Variants in NFAT5 observed in about 807,000 individuals in gnomAD.
NFAT5 encodes the protein nuclear factor of activated T cells 5.
NFAT5 carries 31 observed loss-of-function variants against 166.5 expected under a neutral mutation model. That is an observed-to-expected ratio of 0.19 (90% CI 0.14 to 0.25). The LOEUF (loss-of-function observed/expected upper bound fraction) is 0.25. Ranked by LOEUF, NFAT5 falls within the 10% of genes least tolerant of loss-of-function variation. NFAT5 has a pLI of 1.00. For synonymous variants in NFAT5, 612 were observed against 639.7 expected (o/e 0.96, Z 0.65); for missense variants, 1,449 against 1,821.8 (o/e 0.80, Z 3.72).
chr16:69,567,652 TAC>T (rs1394012149), intron 1 of NFAT5, among the ~76,000 whole-genome samples: 4 of 152,332 alleles, frequency 2.6e-5, no homozygotes, highest in African/African-American at 4.8e-5. Context: ...ATTGATTTTG[TAC>T]ACAGAGTCCT....
intron 2 of NFAT5, among the ~76,000 whole-genome samples, chr16:69,591,592 T>A (rs2032463472): frequency 6.6e-6 from 1 of 152,236 alleles, no homozygotes; most frequent in Admixed American, 6.5e-5. Context: ...TACATTATGC[T>A]AGTGCCTTTA....
chr16:69,607,259 T>C (rs550579942), intron 2 of NFAT5, among the ~76,000 whole-genome samples: 2 of 152,356 alleles, frequency 1.3e-5, no homozygotes, highest in African/African-American at 4.8e-5. Flanking sequence ...CATTATGACA[T>C]GCTGCCTACC....
In NFAT5 at chr16:69,697,051, CTG is replaced by C. The variant is rs1472114924; in HGVS notation, c.*703_*704del. 3 of 152,670 alleles carry C rather than the reference CTG, an allele frequency of 2.0e-5. No homozygotes were observed. The highest frequency in any genetic ancestry group is 1.9e-4 in the East Asian group (1 of 5,190). 9.5% of individuals were successfully genotyped at this position (152,670 alleles called of 1,614,324 possible). A position where few individuals can be genotyped will look rare whatever the true frequency, so the allele number is the denominator to read the frequency against. Reference sequence around the variant, plus strand: ...TTTCTACTAAGGGGTTTAGCCATAACTGTGCATAGAAAAATAATTATCTGTAA... The same window carrying C: ...TTTCTACTAAGGGGTTTAGCCATAACTGCATAGAAAAATAATTATCTGTAA... On this transcript the variant is annotated 3_prime_UTR_variant, in exon 15 of 15. Coordinates refer to ENST00000349945, the MANE Select transcript of NFAT5 (RefSeq NM_138713.4).
At chr16:69,674,475 A>ATATTCAATG (rs1427251151) in intron 9 of NFAT5, among the ~76,000 whole-genome samples, 1 of 152,004 alleles carries the variant, frequency 6.6e-6, no homozygotes, top group Non-Finnish European at 1.5e-5. Flanking sequence ...ATATAAAGGG[A>ATATTCAATG]TATTCAATCT....
chr16:69,572,770 G>T (rs1374909376), intron 2 of NFAT5, among the ~76,000 whole-genome samples: 1 of 152,080 alleles, frequency 6.6e-6, no homozygotes, highest in Non-Finnish European at 1.5e-5. Flanking sequence ...TGAGTTAAGA[G>T]ATTATATATC....
intron 5 of NFAT5, 127 bp from the exon 6 acceptor site, chr16:69,655,482 T>A: frequency 1.5e-6 from 1 of 675,974 alleles, no homozygotes; most frequent in Non-Finnish European, 2.2e-6. Flanking sequence ...CTATTTTTCT[T>A]GAAGATTTAA....
chr16:69,686,855 T>C (rs1030879849), intron 11 of NFAT5, among the ~76,000 whole-genome samples: 1 of 151,410 alleles, frequency 6.6e-6, no homozygotes, highest in African/African-American at 2.4e-5. Flanking sequence ...ACAGTAAAAC[T>C]CCACCTCAAA....
At chr16:69,671,465 G>A (rs562818664) in intron 9 of NFAT5, among the ~76,000 whole-genome samples, 1 of 152,310 alleles carries the variant, frequency 6.6e-6, no homozygotes, top group Non-Finnish European at 1.5e-5. Context: ...CTGACTCCCT[G>A]GTTCAAGCAA....
chr16:69,647,545 G>T lies in NFAT5; in HGVS notation c.771G>T (p.Gln257His). Residue 257 changes from glutamine to histidine, a missense_variant, in exon 4 of 15, where the codon CAG (glutamine) becomes CAT (histidine). By Grantham distance (24) the Gln-to-His change is conservative. Around this residue, in one of 7 missense-constraint regions of NFAT5, gnomAD observed 115 missense variants for 177.1 expected, o/e 0.65. Transcript: ENST00000349945. The surrounding 1 kb of genome is among the most constrained non-coding windows in gnomAD (Gnocchi z 4.8). ...SAKAPHYVLS[Q>H]LTTDNKGNSK... ...AAGCACCTCACTATGTGCTTTCTCAGCTTACCACGGACAACAAAGGCAACT... is the reference window on the plus strand; with the variant it reads ...AAGCACCTCACTATGTGCTTTCTCATCTTACCACGGACAACAAAGGCAACT... The T allele has an allele frequency of 1.3e-6, 2 of 1,596,344 alleles. No homozygotes were observed. The highest frequency in any genetic ancestry group is 1.7e-6 in the Non-Finnish European group (2 of 1,174,042).
chr16:69,656,536 C>G (rs2035888234), intron 6 of NFAT5, among the ~76,000 whole-genome samples: 1 of 151,636 alleles, frequency 6.6e-6, no homozygotes, highest in Non-Finnish European at 1.5e-5. Flanking sequence ...ACTACAACCT[C>G]TGCCTCCCAG....
intron 2 of NFAT5, among the ~76,000 whole-genome samples, chr16:69,584,343 G>C (rs1555518162): frequency 6.7e-6 from 1 of 148,448 alleles, no homozygotes; most frequent in South Asian, 2.1e-4. Context: ...TTGACAGAGT[G>C]TTACTCTGTC....
In NFAT5 at chr16:69,696,771, T is replaced by C. The variant is rs971764684; in HGVS notation, c.*420T>C. 1 of 152,656 alleles carries C rather than the reference T, an allele frequency of 6.6e-6. No homozygotes were observed. The allele number at this position is 152,656 out of a possible 1,614,324, so 9.5% of individuals were successfully genotyped here. A position where few individuals can be genotyped will look rare whatever the true frequency, so the allele number is the denominator to read the frequency against. The stretch of plus-strand genomic sequence containing the variant: ...CATTGTTTTAGTCAAGTAATGGCTT[T>C]TGAAAAAGTAAAGTTCAATAATAAC... On this transcript the variant is annotated 3_prime_UTR_variant, in exon 15 of 15. Coordinates refer to ENST00000349945, the MANE Select transcript of NFAT5 (RefSeq NM_138713.4).
chr16:69,646,944 C>T, intron 3 of NFAT5, 84 bp from the exon 4 acceptor site: 1 of 1,180,844 alleles, frequency 8.5e-7, no homozygotes, highest in Non-Finnish European at 1.2e-6. Context: ...ACAATCAGTT[C>T]ACAAATCACA....
chr16:69,618,813 A>T (rs974112024), intron 2 of NFAT5, among the ~76,000 whole-genome samples: 1 of 152,202 alleles, frequency 6.6e-6, no homozygotes, highest in Non-Finnish European at 1.5e-5. Context: ...CAGGATTATA[A>T]TGTTTGCATT....
chr16:69,631,719 G>C (rs766388013), intron 3 of NFAT5, among the ~76,000 whole-genome samples: 2 of 151,812 alleles, frequency 1.3e-5, no homozygotes, highest in Non-Finnish European at 2.9e-5. Flanking sequence ...TCCACCTCCC[G>C]GGTTCCAGCG....
chr16:69,614,512 A>C (rs977292566), intron 2 of NFAT5, among the ~76,000 whole-genome samples: 7 of 152,220 alleles, frequency 4.6e-5, no homozygotes, highest in South Asian at 2.1e-4. Flanking sequence ...TTTTGGAACA[A>C]TCTTGAACCT....
intron 2 of NFAT5, among the ~76,000 whole-genome samples, chr16:69,587,373 G>T (rs2032143626): frequency 8.5e-6 from 1 of 117,990 alleles, no homozygotes; most frequent in South Asian, 3.0e-4. Flanking sequence ...ACCATGCCCG[G>T]CCTATTTTTC....
Position 69,565,977 on chromosome 16 carries a change from A to AGCGGCG in NFAT5, c.-317_-312dup, listed in dbSNP as rs993768273. 1.9e-4 allele frequency: 59 copies of AGCGGCG among 303,192 alleles called. No individual in the cohort carries two copies. In the Admixed American group the frequency reaches 2.8e-3, roughly 14 times the overall value. The allele number at this position is 303,192 out of a possible 1,614,324, so 18.8% of individuals were successfully genotyped here. A position where few individuals can be genotyped will look rare whatever the true frequency, so the allele number is the denominator to read the frequency against. ...CGGGGGCGGGGCTCAGATTCCTGTC[A>AGCGGCG]GCGGCGGCGGCGGTGGCGGCGACCG... is the stretch of plus-strand genomic sequence containing the variant. On this transcript the variant is annotated 5_prime_UTR_variant, in exon 1 of 15. Coordinates refer to ENST00000349945, the MANE Select transcript of NFAT5 (RefSeq NM_138713.4).
At chr16:69,603,448 C>A (rs936667939) in intron 2 of NFAT5, among the ~76,000 whole-genome samples, 3 of 151,982 alleles carry the variant, frequency 2.0e-5, no homozygotes, top group Non-Finnish European at 4.4e-5. Flanking sequence ...TTATATGATG[C>A]ATTGTTGGAG....
Sources: gnomAD v4.1 joint callset for allele counts (sites outside exome capture counted in the v4.1 genomes callset) on GRCh38, gnomAD v4.1.1 for gene constraint, gnomAD v4.1.1 regional missense constraint, Gnocchi (gnomAD v3.1) non-coding constraint, MANE v1.5 for transcripts, NCBI Gene and HGNC (gene_info 2026-07-23, HGNC 2026-07-21) for gene names.